Variants in PXK observed in about 807,000 individuals in gnomAD.
PXK encodes PX domain-containing protein kinase-like protein.
A neutral mutation model predicts 84.7 loss-of-function variants in PXK; 35 were observed. The ratio of observed to expected loss-of-function variants is 0.41; its 90% CI spans 0.32 to 0.55. The LOEUF is 0.55. PXK is among the 20% of genes least tolerant of loss of function. PXK has a pLI of 0.21. For synonymous variants in PXK, 253 were observed against 260.8 expected (o/e 0.97, Z 0.29); for missense variants, 634 against 699.7 (o/e 0.91, Z 1.06).
rs776447664 is a variant in PXK at position 58,412,999 on chromosome 3, G to A, written c.1528+36G>A. ...GAGTAAAGTGACATGCCACCTTCCT[G>A]TCCGCCAACAGGAGGAGCGGGCTGT... On this transcript the variant is annotated intron_variant, in intron 17 of 17. Coordinates refer to ENST00000356151, the MANE Select transcript of PXK (RefSeq NM_017771.5). This position sits in a 1 kb window ranked among gnomAD's most constrained non-coding sequence, Gnocchi z 6.2. The A allele has an allele frequency of 1.9e-6, 3 of 1,607,338 alleles. No individual in the cohort carries two copies. The highest frequency in any genetic ancestry group is 2.6e-6 in the Non-Finnish European group (3 of 1,174,190).
At position 58,421,013 on chromosome 3, in the gene PXK, A is replaced by G. The variant is rs1576872401; in HGVS notation, c.1529-3739A>G. The G allele has an allele frequency of 3.0e-6, 3 of 1,002,094 alleles. No individual in the cohort carries two copies. Among genetic ancestry groups the G allele is most frequent in the East Asian group, 2.2e-4 (2 of 9,292 alleles). 62.1% of individuals were successfully genotyped at this position (1,002,094 alleles called of 1,614,324 possible). On this transcript the variant is annotated intron_variant, in intron 17 of 17. Coordinates refer to ENST00000356151, the MANE Select transcript of PXK (RefSeq NM_017771.5). The surrounding 1 kb of genome is among the most constrained non-coding windows in gnomAD (Gnocchi z 5.5). The stretch of plus-strand genomic sequence containing the variant: ...GGCTTTTATAACTGACGGTAGGGAA[A>G]AACAGTTCTTTTGTAAGCATCCTTT...
At chr3:58,374,385 G>A (rs973190027) in intron 3 of PXK, among the ~76,000 whole-genome samples, 2 of 151,994 alleles carry the variant, frequency 1.3e-5, no homozygotes, top group Non-Finnish European at 2.9e-5. Flanking sequence ...TGTTGGCCAG[G>A]TTGGTCTCGA....
chr3:58,423,978 G>T (rs538111475), intron 17 of PXK, among the ~76,000 whole-genome samples: 1 of 152,108 alleles, frequency 6.6e-6, no homozygotes, highest in East Asian at 1.9e-4. Context: ...CTGATGCTTC[G>T]TCAAAGACAT....
intron 1 of PXK, among the ~76,000 whole-genome samples, chr3:58,348,455 G>A (rs1006087670): frequency 2.6e-4 from 40 of 152,112 alleles, no homozygotes; most frequent in Admixed American, 7.2e-4. Context: ...AGGCCTTAGG[G>A]CAGTGCTGTC....
At position 58,409,121 on chromosome 3, in the gene PXK, A is replaced by T; in HGVS notation, c.1308+120A>T. The T allele has an allele frequency of 1.3e-6, 1 of 765,580 alleles. No individual in the cohort carries two copies. The allele number at this position is 765,580 out of a possible 1,614,324, so 47.4% of individuals were successfully genotyped here. ...ATTTTAAGCATACTTACTCTCAGCCAGCCTTTAGGCTAAATGCTTCCCTGC... is the reference window on the plus strand; with the variant it reads ...ATTTTAAGCATACTTACTCTCAGCCTGCCTTTAGGCTAAATGCTTCCCTGC... On this transcript the variant is annotated intron_variant, in intron 14 of 17. Transcript: ENST00000356151. This position sits in a 1 kb window ranked among gnomAD's most constrained non-coding sequence, Gnocchi z 4.2.
Position 58,382,576 on chromosome 3 carries a change from C to T in PXK, c.264C>T (p.Phe88=). Residue 88 remains phenylalanine, a synonymous_variant, in exon 4 of 18, where the codon TTC becomes TTT. Transcript: ENST00000356151. The stretch of plus-strand genomic sequence containing the variant: ...TGATTGGTAACATGGATCGTGAATT[C>T]ATAGCTGAAAGGCAGAAAGGTCTTC... ...KKLIGNMDRE[F]IAERQKGLQN... is the part of the protein sequence containing the mutation. 2.5e-6 allele frequency: 4 copies of T among 1,601,050 alleles called. No homozygotes were observed. The highest frequency in any genetic ancestry group is 3.4e-6 in the Non-Finnish European group (4 of 1,175,024).
rs769895879 is a variant in PXK at position 58,397,573 on chromosome 3, G to A, written c.985-32G>A. On this transcript the variant is annotated intron_variant, in intron 10 of 17. Transcript: ENST00000356151. The surrounding 1 kb of genome is among the most constrained non-coding windows in gnomAD (Gnocchi z 4.7). ...CGAGGGTCCACAAAGCCAAAGTGAA[G>A]GGTGAACACGCTGCTACTCTTTCTT... is the stretch of plus-strand genomic sequence containing the variant. The A allele has an allele frequency of 6.4e-7, 1 of 1,569,280 alleles. No individual in the cohort carries two copies. The highest frequency in any genetic ancestry group is 8.8e-7 in the Non-Finnish European group (1 of 1,139,304).
chr3:58,357,659 C>G (rs372093381), intron 1 of PXK, among the ~76,000 whole-genome samples: 2 of 152,142 alleles, frequency 1.3e-5, no homozygotes, highest in African/African-American at 2.4e-5. Flanking sequence ...TCTTATTAGA[C>G]CTTGGCCAGG....
intron 1 of PXK, among the ~76,000 whole-genome samples, chr3:58,343,613 C>G (rs528615587): frequency 6.6e-6 from 1 of 152,342 alleles, no homozygotes; most frequent in South Asian, 2.1e-4. Context: ...TCTTCCCACT[C>G]TGTAGATGGT....
Position 58,420,888 on chromosome 3 carries a change from C to G in PXK, c.1529-3864C>G, listed in dbSNP as rs142507225. ...TTTTAATTTTGGAAACCATAACTCT[C>G]AAAGTCCCGTTGCTGCAAAAATGTT... On this transcript the variant is annotated intron_variant, in intron 17 of 17. Transcript: ENST00000356151. The G allele has an allele frequency of 6.4e-5, 74 of 1,155,486 alleles. No individual in the cohort carries two copies. The African/African-American group carries it at 7.6e-4, about 12-fold the overall frequency. The allele number at this position is 1,155,486 out of a possible 1,614,324, so 71.6% of individuals were successfully genotyped here. A position where few individuals can be genotyped will look rare whatever the true frequency, so the allele number is the denominator to read the frequency against.
rs2097539960 is a variant in PXK, at chr3:58,333,788, C to T, written c.102+698C>T. Among the ~76,000 whole-genome samples the T allele has an allele frequency of 6.6e-6, 1 of 152,048 alleles. No individual in the cohort carries two copies. Among genetic ancestry groups the T allele is most frequent in the African/African-American group, 2.4e-5 (1 of 41,406 alleles). On this transcript the variant is annotated intron_variant, in intron 1 of 17. Transcript: ENST00000356151. The surrounding 1 kb of genome is among the most constrained non-coding windows in gnomAD (Gnocchi z 5.4). The stretch of plus-strand genomic sequence containing the variant: ...GTAGCATAAAGGAGTAATAGGTCCT[C>T]ATAGTAAACATTGGCAGGGTTCATT...
chr3:58,383,767 C>T lies in PXK; in HGVS notation c.388+1067C>T, dbSNP rs2098527109. 6.6e-6 allele frequency among the ~76,000 whole-genome samples: 1 copy of T among 152,194 alleles called. No homozygotes were observed. On this transcript the variant is annotated intron_variant, in intron 4 of 17. Coordinates refer to ENST00000356151, the MANE Select transcript of PXK (RefSeq NM_017771.5). This position sits in a 1 kb window ranked among gnomAD's most constrained non-coding sequence, Gnocchi z 4.0. ...CTGATTTGTTTAAAGAGAAACCATG[C>T]TTTAGAGACTTTCTAAGTGGAACTA...
Position 58,385,962 on chromosome 3 carries a change from G to C in PXK, c.388+3262G>C, listed in dbSNP as rs944778667. ...TGGTCCTTGCTCTGATGGAGGGTGA[G>C]GGTGTCTTGTTGGAGGGGGACTGTG... On this transcript the variant is annotated intron_variant, in intron 4 of 17. Transcript: ENST00000356151. The surrounding 1 kb of genome is among the most constrained non-coding windows in gnomAD (Gnocchi z 5.1). Among the ~76,000 whole-genome samples the C allele has an allele frequency of 5.9e-5, 9 of 152,152 alleles. No individual in the cohort carries two copies. The highest frequency in any genetic ancestry group is 2.2e-4 in the African/African-American group (9 of 41,434).
chr3:58,409,689 G>T lies in PXK; in HGVS notation c.1395+71G>T. ...CATGTGAAGAAAGTTCTAGGTTAAT[G>T]GTGCCCATTTAATGACAGATGCTGT... On this transcript the variant is annotated intron_variant, in intron 15 of 17. Transcript: ENST00000356151. The surrounding 1 kb of genome is among the most constrained non-coding windows in gnomAD (Gnocchi z 4.2). 7.9e-7 allele frequency: 1 copy of T among 1,259,974 alleles called. No homozygotes were observed. Among genetic ancestry groups the T allele is most frequent in the Non-Finnish European group, 1.1e-6 (1 of 897,600 alleles). The allele number at this position is 1,259,974 out of a possible 1,614,324, so 78.0% of individuals were successfully genotyped here.
At chr3:58,420,868 A>G (rs1333921785) in intron 17 of PXK, 1 of 1,202,962 alleles carries the variant, frequency 8.3e-7, no homozygotes, top group African/African-American at 1.6e-5. Flanking sequence ...GTATATTTTA[A>G]TTTTGGAAAC....
chr3:58,418,593 C>G (rs1183227792), intron 17 of PXK, among the ~76,000 whole-genome samples: 1 of 131,052 alleles, frequency 7.6e-6, no homozygotes, highest in Non-Finnish European at 1.6e-5. Context: ...TGACCTTGGA[C>G]AAATAATTTC....
intron 9 of PXK, among the ~76,000 whole-genome samples, chr3:58,396,238 T>C (rs146227048): frequency 6.6e-6 from 1 of 152,304 alleles, no homozygotes; most frequent in African/African-American, 2.4e-5. Context: ...TAACTATAAA[T>C]TATATGCGTG....
chr3:58,394,342 G>A (rs2098660162), intron 7 of PXK, among the ~76,000 whole-genome samples: 1 of 152,160 alleles, frequency 6.6e-6, no homozygotes, highest in Non-Finnish European at 1.5e-5. Context: ...TAAATAATTT[G>A]TCTTTTCTCC....
chr3:58,335,969 G>A (rs925809294), intron 1 of PXK, among the ~76,000 whole-genome samples: 28 of 144,706 alleles, frequency 1.9e-4, no homozygotes, highest in South Asian at 1.3e-3. Flanking sequence ...ATTAGAGGGC[G>A]TTATTGCAAG....
Sources: gnomAD v4.1 joint callset for allele counts (sites outside exome capture counted in the v4.1 genomes callset) on GRCh38, gnomAD v4.1.1 for gene constraint, Gnocchi (gnomAD v3.1) non-coding constraint, MANE v1.5 for transcripts, NCBI Gene and HGNC (gene_info 2026-07-23, HGNC 2026-07-21) for gene names.